The following GRIN2B variants were observed in gnomAD, a reference collection of about 807,000 sequenced individuals.
GRIN2B encodes the protein glutamate ionotropic receptor NMDA type subunit 2B.
GRIN2B carries 5 observed loss-of-function variants against 114.5 expected under a neutral mutation model. The ratio of observed to expected loss-of-function variants is 0.04; its 90% confidence interval spans 0.02 to 0.09. The LOEUF is 0.09. Ranked by LOEUF, GRIN2B falls within the 10% of genes least tolerant of loss-of-function variation. The pLI, the probability that GRIN2B is intolerant of heterozygous loss-of-function variation, is 1.00. For synonymous variants in GRIN2B, 787 were observed against 745.1 expected, an observed-to-expected ratio of 1.06 and a Z score of -0.92; for missense variants, 1,108 against 1,943.5, an observed-to-expected ratio of 0.57 and a Z score of 8.08.
rs141551837 is a variant in GRIN2B at position 13,772,529 on chromosome 12, G to A, written c.412-18614C>T. 4.4e-3 allele frequency among the ~76,000 whole-genome samples: 666 copies of A among 152,204 alleles called. 5 individuals are homozygous for A. Among genetic ancestry groups the A allele is most frequent in the Non-Finnish European group, 7.3e-3 (499 of 68,010 alleles). On this transcript the variant is annotated intron_variant, in intron 3 of 13. Coordinates refer to ENST00000609686, the MANE Select transcript of GRIN2B (RefSeq NM_000834.5). Reference sequence around the variant, plus strand: ...ATGATTCATCAGCTACAGTGTACTCGCTGAAGTATCAATTTAATATCAGCG... The same window carrying A: ...ATGATTCATCAGCTACAGTGTACTCACTGAAGTATCAATTTAATATCAGCG...
chr12:13,564,479 C>T lies in GRIN2B; in HGVS notation c.2759G>A (p.Ser920Asn), dbSNP rs781442804. The T allele has an allele frequency of 1.1e-5, 17 of 1,614,238 alleles. No individual in the cohort carries two copies. Among genetic ancestry groups the T allele is most frequent in the Admixed American group, 1.7e-5 (1 of 60,034 alleles). The change falls in exon 14 of 14, where the codon AGC (serine) becomes AAC (asparagine). Residue 920 changes from serine to asparagine, a missense_variant. Transcript: ENST00000609686. This position sits in a 1 kb window ranked among gnomAD's most constrained non-coding sequence, Gnocchi z 4.8. Reference protein sequence around the residue: ...NLSGVNGSPQSALDFIRRESS... With the variant: ...NLSGVNGSPQNALDFIRRESS... ...CTCCCGTCGGATGAAGTCCAGGGCG[C>T]TCTGCGGTGAGCCATTCACACCAGA...
In GRIN2B at chr12:13,804,766, C is replaced by A. The variant is rs367905136; in HGVS notation, c.412-50851G>T. Among the ~76,000 whole-genome samples, 3 of 152,142 alleles carry A rather than the reference C, an allele frequency of 2.0e-5. No homozygotes were observed. In the South Asian group the frequency reaches 6.2e-4, roughly 31 times the overall value. On this transcript the variant is annotated intron_variant, in intron 3 of 13. Transcript: ENST00000609686. ...CAATACATTCTAAACTCCATGAGGT[C>A]TAGAAGAGTGTCTTGTAGCAATAAT...
intron 5 of GRIN2B, among the ~76,000 whole-genome samples, chr12:13,647,294 T>C (rs999997621): frequency 5.3e-5 from 8 of 152,110 alleles, no homozygotes; most frequent in Non-Finnish European, 2.9e-5. Flanking sequence ...AATTAAGCTT[T>C]GGAGAACTTA....
chr12:13,622,473 T>C (rs1949527566), intron 5 of GRIN2B, among the ~76,000 whole-genome samples: 1 of 152,186 alleles, frequency 6.6e-6, no homozygotes, highest in Non-Finnish European at 1.5e-5. Flanking sequence ...CTATACATCT[T>C]AACTCAACTC....
intron 3 of GRIN2B, among the ~76,000 whole-genome samples, chr12:13,830,809 G>C (rs181937722): frequency 1.5e-3 from 225 of 152,306 alleles, no homozygotes; most frequent in African/African-American, 5.1e-3. Context: ...GAGGAAATAA[G>C]GCCTAACAGG....
At chr12:13,606,376 G>C (rs1323708421) in intron 10 of GRIN2B, among the ~76,000 whole-genome samples, 2 of 152,144 alleles carry the variant, frequency 1.3e-5, no homozygotes, top group African/African-American at 4.8e-5. Context: ...GCAAGAGAGA[G>C]GGGAGGTGCC....
At chr12:13,696,021 A>ACACCTTGT (rs1196562722) in intron 4 of GRIN2B, among the ~76,000 whole-genome samples, 1 of 152,184 alleles carries the variant, frequency 6.6e-6, no homozygotes, top group Non-Finnish European at 1.5e-5. Context: ...TCAAGGTATG[A>ACACCTTGT]CACCTTGTAT....
intron 5 of GRIN2B, among the ~76,000 whole-genome samples, chr12:13,659,434 C>G (rs1461614004): frequency 1.3e-5 from 2 of 152,116 alleles, no homozygotes; most frequent in African/African-American, 4.8e-5. Context: ...GTTCCTACAC[C>G]CCATCACAGC....
intron 3 of GRIN2B, among the ~76,000 whole-genome samples, chr12:13,771,185 A>G (rs1219520667): frequency 6.6e-6 from 1 of 152,148 alleles, no homozygotes; most frequent in South Asian, 2.1e-4. Context: ...GCTCCCCTAC[A>G]TAAGTCATCT....
intron 3 of GRIN2B, among the ~76,000 whole-genome samples, chr12:13,843,759 T>C (rs1329675948): frequency 1.3e-5 from 2 of 152,196 alleles, no homozygotes; most frequent in Admixed American, 6.5e-5. Context: ...ATCCCATCAT[T>C]TGTGAAGTCC....
At chr12:13,980,605 G>GA (rs1863114186) in intron 1 of GRIN2B, among the ~76,000 whole-genome samples, 1 of 152,036 alleles carries the variant, frequency 6.6e-6, no homozygotes, top group Admixed American at 6.5e-5. Flanking sequence ...CTGAATGGAA[G>GA]AGGAGAGAGG....
At chr12:13,934,350 C>T (rs1056990659) in intron 2 of GRIN2B, among the ~76,000 whole-genome samples, 3 of 152,292 alleles carry the variant, frequency 2.0e-5, no homozygotes, top group African/African-American at 7.2e-5. Context: ...TATTTGGAAA[C>T]AGGGTTAGAT....
intron 4 of GRIN2B, among the ~76,000 whole-genome samples, chr12:13,698,263 G>A (rs1241676240): frequency 6.6e-6 from 1 of 152,208 alleles, no homozygotes; most frequent in African/African-American, 2.4e-5. Context: ...ATTTAGGAAC[G>A]TCTCCAAATC....
chr12:13,719,926 A>G (rs1281204571), intron 4 of GRIN2B, among the ~76,000 whole-genome samples: 2 of 152,012 alleles, frequency 1.3e-5, no homozygotes, highest in Admixed American at 6.6e-5. Context: ...GATTGTGAAA[A>G]ACTTCCAGTC....
At chr12:13,799,242 C>T (rs561783432) in intron 3 of GRIN2B, among the ~76,000 whole-genome samples, 1 of 152,266 alleles carries the variant, frequency 6.6e-6, no homozygotes, top group African/African-American at 2.4e-5. Flanking sequence ...CTGCAGGTCC[C>T]CACACAGGGC....
chr12:13,666,052 C>G (rs942314666), intron 5 of GRIN2B, among the ~76,000 whole-genome samples: 22 of 152,116 alleles, frequency 1.4e-4, no homozygotes, highest in African/African-American at 5.1e-4. Flanking sequence ...AACGCTTGAG[C>G]TAGAAAAACA....
rs1194091301 is a variant in GRIN2B at position 13,558,593 on chromosome 12, G to GTGAT, written c.*4186_*4189dup. On this transcript the variant is annotated 3_prime_UTR_variant, in exon 14 of 14. Coordinates refer to ENST00000609686, the MANE Select transcript of GRIN2B (RefSeq NM_000834.5). ...CTGATGGCCACGGAAGACCGGGTGA[G>GTGAT]TGATAGTCACTTAACTGTATAGACA... 3 of 152,204 alleles carry GTGAT rather than the reference G, an allele frequency of 2.0e-5. No homozygotes were observed. The highest frequency in any genetic ancestry group is 1.9e-4 in the East Asian group (1 of 5,194). 9.4% of individuals were successfully genotyped at this position (152,204 alleles called of 1,614,324 possible). A position where few individuals can be genotyped will look rare whatever the true frequency, so the allele number is the denominator to read the frequency against.
At chr12:13,653,000 GT>G (rs1949830095) in intron 5 of GRIN2B, among the ~76,000 whole-genome samples, 2 of 152,104 alleles carry the variant, frequency 1.3e-5, no homozygotes, top group African/African-American at 4.8e-5. Flanking sequence ...ATAATTTTAT[GT>G]TTTAGGAGGA....
chr12:13,978,287 G>A (rs1863064443), intron 2 of GRIN2B, among the ~76,000 whole-genome samples: 1 of 152,180 alleles, frequency 6.6e-6, no homozygotes, highest in Non-Finnish European at 1.5e-5. Flanking sequence ...ATGAGTTCAG[G>A]TGTCTCTAAG....
Sources: gnomAD v4.1 joint callset for allele counts (sites outside exome capture counted in the v4.1 genomes callset) on GRCh38, gnomAD v4.1.1 for gene constraint, Gnocchi (gnomAD v3.1) non-coding constraint, MANE v1.5 for transcripts, NCBI Gene and HGNC (gene_info 2026-07-23, HGNC 2026-07-21) for gene names.